The following TOP3B variants were observed in gnomAD, a reference collection of about 807,000 sequenced individuals.
TOP3B encodes DNA topoisomerase III beta.
A neutral mutation model predicts 93.9 loss-of-function variants in TOP3B; 45 were observed. The ratio of observed to expected loss-of-function variants is 0.48; its 90% confidence interval spans 0.38 to 0.61. TOP3B has a LOEUF of 0.61. TOP3B is among the 20% of genes least tolerant of loss of function. The pLI is 0.00. For synonymous variants in TOP3B, 357 were observed against 472.6 expected, an observed-to-expected ratio of 0.76 and a Z score of 3.17; for missense variants, 750 against 1,156.1, an observed-to-expected ratio of 0.65 and a Z score of 5.09.
At position 21,978,432 on chromosome 22, in the gene TOP3B, C is replaced by G. The variant is rs115915922; in HGVS notation, c.-98-2625G>C. Among the ~76,000 whole-genome samples the G allele has an allele frequency of 1.3e-3, 192 of 152,310 alleles. 1 individual carries two copies. The highest frequency in any genetic ancestry group is 4.2e-3 in the African/African-American group (175 of 41,574). ...CATCTTTACAAAAAAGCAAAAGGAA[C>G]AACCCATGGCTTTGGCTTAGGCATG... On this transcript the variant is annotated intron_variant, in intron 1 of 17. Coordinates refer to ENST00000357179, the MANE Select transcript of TOP3B (RefSeq NM_001282112.2).
chr22:21,962,413 G>A lies in TOP3B; in HGVS notation c.1525+16C>T, dbSNP rs772333252. ...GGAGACGGAGCCGGCTCTGGGGCCTGGGCAGGCGCACCCACCGATGCCATG... is the reference window on the plus strand; with the variant it reads ...GGAGACGGAGCCGGCTCTGGGGCCTAGGCAGGCGCACCCACCGATGCCATG... On this transcript the variant is annotated intron_variant, in intron 13 of 17. Coordinates refer to ENST00000357179, the MANE Select transcript of TOP3B (RefSeq NM_001282112.2). 6.2e-7 allele frequency: 1 copy of A among 1,612,980 alleles called. No individual in the cohort carries two copies. The highest frequency in any genetic ancestry group is 1.1e-5 in the South Asian group (1 of 91,072).
chr22:21,966,642 G>A (rs1053657756), intron 8 of TOP3B: 7 of 152,280 alleles, frequency 4.6e-5, no homozygotes, highest in Admixed American at 2.6e-4. Context: ...CTCTACCTCT[G>A]CTGAACACTT....
Position 21,970,030 on chromosome 22 carries a change from A to G in TOP3B, c.581+180T>C, listed in dbSNP as rs2071570526. On this transcript the variant is annotated intron_variant, in intron 6 of 17. Coordinates refer to ENST00000357179, the MANE Select transcript of TOP3B (RefSeq NM_001282112.2). This position sits in a 1 kb window ranked among gnomAD's most constrained non-coding sequence, Gnocchi z 4.4. Reference sequence around the variant, plus strand: ...AGCAATCCTCCTATCCTGGTCTCCCAAAGTGCAGGGATTACAGGTGTTAGC... The same window carrying G: ...AGCAATCCTCCTATCCTGGTCTCCCGAAGTGCAGGGATTACAGGTGTTAGC... 1 of 627,838 alleles carries G rather than the reference A, an allele frequency of 1.6e-6. No homozygotes were observed. Among genetic ancestry groups the G allele is most frequent in the Non-Finnish European group, 2.7e-6 (1 of 375,180 alleles). The allele number at this position is 627,838 out of a possible 1,614,324, so 38.9% of individuals were successfully genotyped here. A position where few individuals can be genotyped will look rare whatever the true frequency, so the allele number is the denominator to read the frequency against.
At chr22:21,978,665 T>A (rs561358436) in intron 1 of TOP3B, among the ~76,000 whole-genome samples, 3 of 152,208 alleles carry the variant, frequency 2.0e-5, no homozygotes, top group East Asian at 3.9e-4. Context: ...GTTATCACCA[T>A]GTGGGGGACA....
At chr22:21,972,213 A>G in intron 4 of TOP3B, 1 of 500,042 alleles carries the variant, frequency 2.0e-6, no homozygotes, top group South Asian at 3.2e-5. Context: ...TGCCCAGAAG[A>G]AGGGTTAAAA....
Position 21,962,838 on chromosome 22 carries a change from G to C in TOP3B, c.1260C>G (p.Val420=). The stretch of plus-strand genomic sequence containing the variant: ...TCTGCAGGTACTTGCAGTCATGGCT[G>C]ACCGTGGCGATGAAGTGTCTGGTGA... The part of the protein sequence containing the change: ...EYITRHFIAT[V]SHDCKYLQST... The change falls in exon 12 of 18, where the codon GTC becomes GTG. Residue 420 remains valine, a synonymous_variant. Transcript: ENST00000357179. 1 of 1,614,070 alleles carries C rather than the reference G, an allele frequency of 6.2e-7. No homozygotes were observed. Among genetic ancestry groups the C allele is most frequent in the Non-Finnish European group, 8.5e-7 (1 of 1,180,026 alleles).
chr22:21,962,065 T>A, intron 13 of TOP3B: 1 of 1,166,588 alleles, frequency 8.6e-7, no homozygotes, highest in Non-Finnish European at 1.1e-6. Flanking sequence ...TCACCTGATT[T>A]CAGGACAGCC....
intron 13 of TOP3B, chr22:21,961,233 G>GT (rs1026741647): frequency 1.3e-5 from 2 of 152,454 alleles, no homozygotes; most frequent in Non-Finnish European, 2.9e-5. Flanking sequence ...TCTGCACCCG[G>GT]TGTGGCAGGC....
chr22:21,974,224 A>G (rs2145873546), intron 3 of TOP3B, 133 bp downstream of exon 3: 2 of 1,181,812 alleles, frequency 1.7e-6, no homozygotes, highest in Non-Finnish European at 2.3e-6. Flanking sequence ...TTGCTACTTC[A>G]TGATCTGCTG....
At chr22:21,968,912 T>A in intron 6 of TOP3B, 137 bp from the exon 7 acceptor site, 1 of 897,090 alleles carries the variant, frequency 1.1e-6, no homozygotes, top group Non-Finnish European at 1.8e-6. Flanking sequence ...TAGAAGCCAG[T>A]GGGAGCAGAG....
At chr22:21,969,313 A>G (rs1239595469) in intron 6 of TOP3B, 1 of 152,844 alleles carries the variant, frequency 6.5e-6, no homozygotes, top group African/African-American at 2.4e-5. Flanking sequence ...TTAAAACAAA[A>G]TGTTTGGACA....
chr22:21,960,038 C>T (rs1006497980), intron 14 of TOP3B: 3 of 617,530 alleles, frequency 4.9e-6, no homozygotes, highest in African/African-American at 3.7e-5. Context: ...CTCCCTCTCC[C>T]CTTGGCCCCT....
intron 1 of TOP3B, among the ~76,000 whole-genome samples, chr22:21,979,145 G>A (rs2084560841): frequency 6.6e-6 from 1 of 152,094 alleles, no homozygotes; most frequent in Non-Finnish European, 1.5e-5. Flanking sequence ...GTCCAGGTGA[G>A]TAGGAGGGAG....
intron 1 of TOP3B, among the ~76,000 whole-genome samples, chr22:21,978,349 C>T (rs1486174217): frequency 6.6e-6 from 1 of 152,046 alleles, no homozygotes; most frequent in Admixed American, 6.6e-5. Context: ...GAGGCGAAGG[C>T]AAGAGGACCA....
At chr22:21,978,738 G>C (rs1215687519) in intron 1 of TOP3B, among the ~76,000 whole-genome samples, 1 of 152,180 alleles carries the variant, frequency 6.6e-6, no homozygotes, top group Non-Finnish European at 1.5e-5. Context: ...CAGAGCCCTG[G>C]GTAATCCTGA....
intron 3 of TOP3B, chr22:21,973,592 G>A (rs1437763058): frequency 1.3e-5 from 2 of 151,776 alleles, no homozygotes; most frequent in South Asian, 2.1e-4. Flanking sequence ...TTCAAATCCC[G>A]GCTCCCCACC....
At chr22:21,982,012 A>G (rs1203973767) in intron 1 of TOP3B, among the ~76,000 whole-genome samples, 1 of 152,154 alleles carries the variant, frequency 6.6e-6, no homozygotes, top group Non-Finnish European at 1.5e-5. Context: ...CAGCAACCCC[A>G]TAAGGCAGGT....
intron 1 of TOP3B, among the ~76,000 whole-genome samples, chr22:21,978,251 G>A (rs2071964470): frequency 6.6e-6 from 1 of 151,992 alleles, no homozygotes; most frequent in Non-Finnish European, 1.5e-5. Flanking sequence ...GGAGGGGGAG[G>A]GGAAGGTGAG....
chr22:21,960,584 G>GC, intron 13 of TOP3B, 135 bp from the exon 14 acceptor site: 1 of 1,237,420 alleles, frequency 8.1e-7, no homozygotes, highest in South Asian at 1.4e-5. Context: ...GGAGGGCTGT[G>GC]CCCTGAGCTC....
Sources: allele counts gnomAD v4.1 joint callset (sites outside exome capture counted in the v4.1 genomes callset), GRCh38; gene constraint gnomAD v4.1.1; non-coding constraint Gnocchi (gnomAD v3.1); transcripts MANE v1.5; gene names NCBI Gene and HGNC (gene_info 2026-07-23, HGNC 2026-07-21).